Variants in LCORL observed in about 807,000 individuals in gnomAD.
LCORL encodes the protein ligand dependent nuclear receptor corepressor like.
A neutral mutation model predicts 141.8 loss-of-function variants in LCORL; 41 were observed. The observed-to-expected ratio is 0.29, with a 90% CI of 0.23 to 0.38. The LOEUF (loss-of-function observed/expected upper bound fraction) is 0.38, where lower values mean the gene tolerates loss of function less well. LCORL is among the 10% of genes least tolerant of loss of function. LCORL has a pLI of 1.00. For missense variants in LCORL, 1,759 were observed against 2,035.0 expected, an observed-to-expected ratio of 0.86 and a Z score of 2.61; for synonymous variants, 618 against 694.1, an observed-to-expected ratio of 0.89 and a Z score of 1.72.
intron 7 of LCORL, among the ~76,000 whole-genome samples, chr4:17,861,515 A>G (rs1725011906): frequency 6.6e-6 from 1 of 152,094 alleles, no homozygotes; most frequent in Admixed American, 6.5e-5. Flanking sequence ...CTGTGATGGG[A>G]GGGGCTGCTG....
In LCORL at chr4:17,884,250, G is replaced by A. The variant is rs1262634201; in HGVS notation, c.776+1818C>T. ...ACATCCAACAGACCAGAACCATCAG[G>A]TTGTGATTTTGAGACAGAACTTACT... On this transcript the variant is annotated intron_variant, in intron 6 of 7. Coordinates refer to ENST00000635767, the Ensembl canonical transcript of LCORL. The surrounding 1 kb of genome is among the most constrained non-coding windows in gnomAD (Gnocchi z 4.4). The A allele has an allele frequency of 1.9e-6, 3 of 1,550,772 alleles. No homozygotes were observed. The highest frequency in any genetic ancestry group is 1.7e-4 in the Middle Eastern group (1 of 5,982).
intron 4 of LCORL, among the ~76,000 whole-genome samples, chr4:17,939,482 TG>T (rs1207867994): frequency 3.9e-5 from 6 of 152,146 alleles, no homozygotes; most frequent in African/African-American, 1.2e-4. Context: ...CCATGAGAAA[TG>T]GAACAGATGT....
At chr4:17,958,843 A>C (rs985395643) in intron 4 of LCORL, among the ~76,000 whole-genome samples, 10 of 152,032 alleles carry the variant, frequency 6.6e-5, no homozygotes, top group Admixed American at 5.2e-4. Flanking sequence ...TGCAATAAAC[A>C]AAACAAAGTC....
intron 1 of LCORL, among the ~76,000 whole-genome samples, chr4:17,983,021 A>C (rs1199395402): frequency 2.0e-5 from 3 of 152,214 alleles, no homozygotes; most frequent in African/African-American, 7.2e-5. Flanking sequence ...TTGAAAAGGA[A>C]GTCCTTTCCC....
At chr4:17,925,522 G>A (rs1030239084) in intron 4 of LCORL, among the ~76,000 whole-genome samples, 7 of 152,134 alleles carry the variant, frequency 4.6e-5, no homozygotes, top group South Asian at 2.1e-4. Context: ...CCAGGACCAC[G>A]TGACCAGTTG....
intron 4 of LCORL, among the ~76,000 whole-genome samples, chr4:17,956,434 T>C (rs1003497313): frequency 7.2e-5 from 11 of 151,856 alleles, no homozygotes; most frequent in African/African-American, 2.7e-4. Context: ...ATAAAGAAAA[T>C]GTGGTATATC....
chr4:18,021,680 G>A lies in LCORL; in HGVS notation c.72C>T (p.Cys24=). Residue 24 remains cysteine, a synonymous_variant, in exon 1 of 8, where the codon TGC becomes TGT. Coordinates refer to ENST00000635767, the Ensembl canonical transcript of LCORL. The surrounding 1 kb of genome is among the most constrained non-coding windows in gnomAD (Gnocchi z 5.5). ...TCTCCGCCGCGCACCGAGGGCTCCGGCACTGAGCGGCGGCGGCGGCGGCGG... is the reference window on the plus strand; with the variant it reads ...TCTCCGCCGCGCACCGAGGGCTCCGACACTGAGCGGCGGCGGCGGCGGCGG... The A allele has an allele frequency of 6.5e-7, 1 of 1,540,584 alleles. No homozygotes were observed. The highest frequency in any genetic ancestry group is 8.7e-7 in the Non-Finnish European group (1 of 1,143,382).
In LCORL at chr4:17,989,825, T is replaced by C. The variant is rs989935835; in HGVS notation, c.155-16940A>G. On this transcript the variant is annotated intron_variant, in intron 1 of 7. Transcript: ENST00000635767. The stretch of plus-strand genomic sequence containing the variant: ...CTTAGGCCAGAAGCCTGGTATGATG[T>C]GGCTGGTTGACCAAGCTGAGTTCTC... Among the ~76,000 whole-genome samples, 3 of 152,194 alleles carry C rather than the reference T, an allele frequency of 2.0e-5. No homozygotes were observed. The South Asian group carries it at 6.2e-4, about 32-fold the overall frequency.
chr4:17,879,010 G>GT, intron 6 of LCORL, among the ~76,000 whole-genome samples: 1 of 150,882 alleles, frequency 6.6e-6, no homozygotes, highest in East Asian at 1.9e-4. Context: ...AAAGAGTTCT[G>GT]TTTCAGAAAA....
chr4:17,983,606 A>C (rs762562462), intron 1 of LCORL, among the ~76,000 whole-genome samples: 3 of 151,660 alleles, frequency 2.0e-5, no homozygotes, highest in African/African-American at 4.9e-5. Flanking sequence ...ATATTTGTAC[A>C]TTGCTTTTGT....
chr4:17,918,736 A>G (rs1167978543), intron 4 of LCORL, among the ~76,000 whole-genome samples: 1 of 152,218 alleles, frequency 6.6e-6, no homozygotes, highest in Admixed American at 6.5e-5. Flanking sequence ...AATCAAATGT[A>G]TCAAGATTTG....
At chr4:17,878,422 C>G (rs1021521223) in intron 6 of LCORL, among the ~76,000 whole-genome samples, 6 of 151,382 alleles carry the variant, frequency 4.0e-5, no homozygotes, top group Admixed American at 6.6e-5. Context: ...TAAGTCAAAG[C>G]AAAGCCCTAT....
chr4:17,864,151 C>T (rs1220374104), intron 7 of LCORL, among the ~76,000 whole-genome samples: 1 of 152,140 alleles, frequency 6.6e-6, no homozygotes, highest in Non-Finnish European at 1.5e-5. Context: ...AAATTTTTGG[C>T]TACCCATGAA....
intron 4 of LCORL, among the ~76,000 whole-genome samples, chr4:17,928,891 T>C (rs1735571119): frequency 6.6e-6 from 1 of 152,148 alleles, no homozygotes; most frequent in South Asian, 2.1e-4. Flanking sequence ...CTTATATACA[T>C]AAATTTCTAA....
intron 5 of LCORL, among the ~76,000 whole-genome samples, chr4:17,908,508 ACTTAAAAGGCTCTT>A: frequency 6.6e-6 from 1 of 152,152 alleles, no homozygotes; most frequent in South Asian, 2.1e-4. Flanking sequence ...CTTCGCACAC[ACTTAAAAGGCTCTT>A]CTTCTTGCCT....
At chr4:17,917,940 A>AAAAACAAAACAAAACAAAACAAAAC (rs139664926) in intron 4 of LCORL, among the ~76,000 whole-genome samples, 16 of 151,742 alleles carry the variant, frequency 1.1e-4, no homozygotes, top group African/African-American at 3.9e-4. Context: ...ACAGGTTAAC[A>AAAAACAAAACAAAACAAAACAAAAC]AAAACAAAAC....
At chr4:17,867,349 T>C (rs965377882) in intron 7 of LCORL, among the ~76,000 whole-genome samples, 1 of 152,160 alleles carries the variant, frequency 6.6e-6, no homozygotes, top group Admixed American at 6.5e-5. Flanking sequence ...AAGTGCCAGG[T>C]AGTAAATATT....
At chr4:17,944,767 G>A (rs772523719) in intron 4 of LCORL, among the ~76,000 whole-genome samples, 29 of 152,030 alleles carry the variant, frequency 1.9e-4, no homozygotes, top group Admixed American at 3.3e-4. Flanking sequence ...CTACCTATAC[G>A]CACATACTAT....
At chr4:17,946,475 GAA>G (rs1738900088) in intron 4 of LCORL, among the ~76,000 whole-genome samples, 1 of 151,922 alleles carries the variant, frequency 6.6e-6, no homozygotes. Context: ...ATCCCATGTT[GAA>G]GAGTATGTTA....
Sources: gnomAD v4.1 joint callset for allele counts (sites outside exome capture counted in the v4.1 genomes callset) on GRCh38, gnomAD v4.1.1 for gene constraint, Gnocchi (gnomAD v3.1) non-coding constraint, MANE v1.5 for transcripts, NCBI Gene and HGNC (gene_info 2026-07-23, HGNC 2026-07-21) for gene names.